COL11A1: variants seen among roughly 807,000 people sequenced by gnomAD.
COL11A1 encodes collagen alpha-1(XI) chain.
COL11A1 carries 74 observed loss-of-function variants against 265.2 expected under a neutral mutation model. The observed-to-expected ratio is 0.28, with a 90% confidence interval of 0.23 to 0.34. The LOEUF is 0.34. Ranked by LOEUF, COL11A1 falls within the 10% of genes least tolerant of loss-of-function variation. The probability of loss-of-function intolerance (pLI) is 1.00; values close to 1 mark genes in which losing one functional copy is unlikely to be tolerated. For synonymous variants in COL11A1, 816 were observed against 727.6 expected (o/e 1.12, Z -1.96); for missense variants, 2,165 against 2,263.6 (o/e 0.96, Z 0.88).
chr1:102,947,110 A>C (rs1299299124), intron 41 of COL11A1, among the ~76,000 whole-genome samples, 154 bp from the exon 42 acceptor site: 3 of 152,216 alleles, frequency 2.0e-5, no homozygotes, highest in Admixed American at 2.0e-4. Context: ...GAAACAGTTG[A>C]ATCCACTATT....
intron 46 of COL11A1, among the ~76,000 whole-genome samples, chr1:102,927,422 C>G (rs1402248627): frequency 6.6e-6 from 1 of 152,088 alleles, no homozygotes; most frequent in Non-Finnish European, 1.5e-5. Context: ...GGTAAAAAAA[C>G]AAGCCAGAAT....
rs1170275738 is a variant in COL11A1 at position 102,987,671 on chromosome 1, T to G, written c.2464A>C (p.Thr822Pro). The change falls in exon 30 of 67, where the codon ACT becomes CCT. Residue 822 changes from threonine (T) to proline (P), a missense_variant. By Grantham distance (38) the Thr-to-Pro change is conservative. Coordinates refer to ENST00000370096, the MANE Select transcript of COL11A1 (RefSeq NM_001854.4). ...PEGPKGRAGP[T>P]GDPGPSGQAG... ...TGACCTGAAGGACCTGGGTCTCCAGTTGGGCCTGCTCGACCTTTGGGTCCT... is the reference window on the plus strand; with the variant it reads ...TGACCTGAAGGACCTGGGTCTCCAGGTGGGCCTGCTCGACCTTTGGGTCCT... 1.2e-6 allele frequency: 2 copies of G among 1,613,482 alleles called. No individual in the cohort carries two copies. Among genetic ancestry groups the G allele is most frequent in the Non-Finnish European group, 1.7e-6 (2 of 1,179,714 alleles).
chr1:102,901,864 A>G (rs745416593), intron 54 of COL11A1, among the ~76,000 whole-genome samples: 2 of 152,204 alleles, frequency 1.3e-5, no homozygotes, highest in Non-Finnish European at 2.9e-5. Flanking sequence ...AATATCCCTT[A>G]TATTCCAGAA....
intron 1 of COL11A1, among the ~76,000 whole-genome samples, chr1:103,095,000 C>T (rs1160740820): frequency 1.3e-5 from 2 of 151,932 alleles, no homozygotes; most frequent in African/African-American, 4.8e-5. Context: ...TCTCTTAAAC[C>T]AACAAAACAA....
At chr1:103,060,746 G>A (rs528530155) in intron 4 of COL11A1, among the ~76,000 whole-genome samples, 22 of 152,120 alleles carry the variant, frequency 1.4e-4, no homozygotes, top group Non-Finnish European at 2.4e-4. Context: ...TGGATTTATT[G>A]AACCCAGGAG....
intron 13 of COL11A1, among the ~76,000 whole-genome samples, chr1:103,013,957 C>T (rs1666338793): frequency 6.6e-6 from 1 of 151,734 alleles, no homozygotes; most frequent in Admixed American, 6.6e-5. Context: ...GTAGTGGAAG[C>T]TTTAAACTAA....
chr1:103,094,002 C>T (rs867051893), intron 1 of COL11A1, among the ~76,000 whole-genome samples: 1 of 152,088 alleles, frequency 6.6e-6, no homozygotes. Flanking sequence ...CAGAGAAAGC[C>T]TTGAAAGCCA....
At chr1:102,891,127 T>C (rs1651725213) in intron 57 of COL11A1, among the ~76,000 whole-genome samples, 1 of 152,082 alleles carries the variant, frequency 6.6e-6, no homozygotes. Context: ...TTCTGAATTC[T>C]GATCTCAATT....
At chr1:102,903,640 G>T (rs1042139326) in intron 54 of COL11A1, among the ~76,000 whole-genome samples, 4 of 152,160 alleles carry the variant, frequency 2.6e-5, no homozygotes, top group Admixed American at 6.6e-5. Flanking sequence ...TTACTGCATA[G>T]AAATATGCTC....
At chr1:103,080,620 C>G (rs114024263) in intron 2 of COL11A1, among the ~76,000 whole-genome samples, 2,224 of 151,752 alleles carry the variant, frequency 0.015, 44 homozygotes, top group African/African-American at 0.051. Flanking sequence ...CTGCAATGAG[C>G]TATTACCCCA....
At chr1:102,929,923 A>T (rs1275533569) in intron 46 of COL11A1, among the ~76,000 whole-genome samples, 1 of 152,092 alleles carries the variant, frequency 6.6e-6, no homozygotes, top group Non-Finnish European at 1.5e-5. Context: ...AATGCTTGTG[A>T]TTTTAGTACA....
chr1:102,962,164 T>C lies in COL11A1; in HGVS notation c.3114+12A>G, dbSNP rs534398998. On this transcript the variant is annotated intron_variant, in intron 40 of 66. Transcript: ENST00000370096. ...GAATCACTTGCTTTATCTATATAGATATTGATTATACCTGAGCTCCAGGAA... is the reference window on the plus strand; with the variant it reads ...GAATCACTTGCTTTATCTATATAGACATTGATTATACCTGAGCTCCAGGAA... 4 of 1,591,450 alleles carry C rather than the reference T, an allele frequency of 2.5e-6. No homozygotes were observed. The South Asian group carries it at 4.4e-5, about 18-fold the overall frequency.
At chr1:102,932,737 C>A (rs1449388647) in intron 46 of COL11A1, among the ~76,000 whole-genome samples, 1 of 151,096 alleles carries the variant, frequency 6.6e-6, no homozygotes, top group South Asian at 2.1e-4. Context: ...ACCAATCAGA[C>A]GTAGATTTGG....
chr1:103,006,045 A>G (rs1665575911), intron 17 of COL11A1, 23 bp downstream of exon 17: 1 of 1,613,708 alleles, frequency 6.2e-7, no homozygotes, highest in Non-Finnish European at 8.5e-7. Context: ...GGATGTGAAT[A>G]TAAAAATATG....
chr1:102,878,177 A>C lies in COL11A1; in HGVS notation c.5275-12T>G. 6.2e-7 allele frequency: 1 copy of C among 1,604,188 alleles called. No homozygotes were observed. The highest frequency in any genetic ancestry group is 1.1e-5 in the South Asian group (1 of 89,640). On this transcript the variant is annotated splice_polypyrimidine_tract_variant and intron_variant, in intron 66 of 66. Transcript: ENST00000370096. ...TAGCCTTTTCTGGACTGTAAAATAA[A>C]GCAGAAATAAAAAGTTATACAATCT...
At chr1:102,961,844 T>A (rs763404325) in intron 41 of COL11A1, 22 bp downstream of exon 41, 8 of 1,607,462 alleles carry the variant, frequency 5.0e-6, no homozygotes, top group Non-Finnish European at 6.8e-6. Flanking sequence ...ATTGTCTGGC[T>A]ATTTATTATC....
At chr1:103,054,106 T>C (rs1410181929) in intron 4 of COL11A1, among the ~76,000 whole-genome samples, 1 of 152,204 alleles carries the variant, frequency 6.6e-6, no homozygotes, top group East Asian at 1.9e-4. Context: ...GAATATCAAG[T>C]CTACCACATT....
chr1:102,953,467 G>A (rs1660083908), intron 41 of COL11A1, among the ~76,000 whole-genome samples: 3 of 152,014 alleles, frequency 2.0e-5, no homozygotes, highest in Non-Finnish European at 4.4e-5. Flanking sequence ...TGTTTACTAT[G>A]ATACATCTAA....
chr1:102,948,007 T>C (rs1659494840), intron 41 of COL11A1, among the ~76,000 whole-genome samples: 2 of 151,864 alleles, frequency 1.3e-5, no homozygotes, highest in African/African-American at 2.4e-5. Flanking sequence ...ATTTCAAAAC[T>C]CAGAGAAAAT....
Sources: allele counts gnomAD v4.1 joint callset (sites outside exome capture counted in the v4.1 genomes callset), GRCh38; gene constraint gnomAD v4.1.1; transcripts MANE v1.5; gene names NCBI Gene and HGNC (gene_info 2026-07-23, HGNC 2026-07-21).